The following ABCC6 variants were observed in gnomAD, a reference collection of about 807,000 sequenced individuals.
ABCC6 encodes the protein ATP binding cassette subfamily C member 6, also known as ATP-binding cassette sub-family C member 6.
In ABCC6, 126 loss-of-function variants were observed where a neutral mutation model predicts 169.5. The ratio of observed to expected loss-of-function variants is 0.74; its 90% CI spans 0.64 to 0.86. ABCC6 has a LOEUF of 0.86. Among genes scored for constraint, ABCC6 ranks in the 40% least tolerant of loss-of-function variants. The probability of loss-of-function intolerance (pLI) is 0.00; values close to 1 mark genes in which losing one functional copy is unlikely to be tolerated. For missense variants in ABCC6, 1,733 were observed against 1,927.2 expected (o/e 0.90, Z 1.89); for synonymous variants, 752 against 814.7 (o/e 0.92, Z 1.31).
At chr16:16,167,715 C>A (rs982928524) in intron 22 of ABCC6, among the ~76,000 whole-genome samples, 3 of 152,142 alleles carry the variant, frequency 2.0e-5, no homozygotes, top group Non-Finnish European at 4.4e-5. Context: ...GTGATCCACC[C>A]GCCTCGGCCT....
Position 16,175,354 on chromosome 16 carries a change from A to T in ABCC6, c.2666+557T>A, listed in dbSNP as rs576469005. Among the ~76,000 whole-genome samples, 11 of 152,198 alleles carry T rather than the reference A, an allele frequency of 7.2e-5. No individual in the cohort carries two copies. In the East Asian group the frequency reaches 2.1e-3, roughly 29 times the overall value. On this transcript the variant is annotated intron_variant, in intron 20 of 30. Coordinates refer to ENST00000205557, the MANE Select transcript of ABCC6 (RefSeq NM_001171.6). ...TGTTCTGCTTCCCAAGACCCCTCTC[A>T]TTAAGAGGGGAGAGTATCAGGCAGC...
intron 23 of ABCC6, among the ~76,000 whole-genome samples, chr16:16,163,802 G>C (rs1174919502): frequency 6.6e-6 from 1 of 152,234 alleles, no homozygotes; most frequent in African/African-American, 2.4e-5. Context: ...TTTTCACACA[G>C]TGTCTCATTC....
At chr16:16,166,210 G>A (rs961942944) in intron 22 of ABCC6, among the ~76,000 whole-genome samples, 8 of 152,048 alleles carry the variant, frequency 5.3e-5, no homozygotes, top group African/African-American at 1.9e-4. Context: ...CCACCATGCC[G>A]GCTAATTTGG....
intron 29 of ABCC6, among the ~76,000 whole-genome samples, chr16:16,152,369 A>C (rs576054086): frequency 2.0e-5 from 3 of 151,954 alleles, no homozygotes; most frequent in African/African-American, 7.2e-5. Context: ...TTGCACAGTA[A>C]GCCCTTCCAT....
At chr16:16,207,070 G>A (rs1167017467) in intron 7 of ABCC6, among the ~76,000 whole-genome samples, 1 of 152,230 alleles carries the variant, frequency 6.6e-6, no homozygotes, top group East Asian at 1.9e-4. Flanking sequence ...AACCCAGGAG[G>A]TGGAGGTTGC....
In ABCC6 at chr16:16,208,732, G is replaced by T; in HGVS notation, c.790C>A (p.Arg264=). 6.2e-7 allele frequency: 1 copy of T among 1,613,226 alleles called. No homozygotes were observed. The highest frequency in any genetic ancestry group is 2.2e-5 in the East Asian group (1 of 44,860). ...TCTTGACCTCCACCCACTTACCTCC[G>T]GGCTGCACTGCGGTTCCTCATCCAC... ...KEWMRNRSAA[R]RHNKAIAFKR... Residue 264 remains arginine, a synonymous_variant, in exon 7 of 31, where the codon CGG becomes AGG. Transcript: ENST00000205557.
intron 9 of ABCC6, among the ~76,000 whole-genome samples, chr16:16,198,439 G>C (rs902133892): frequency 6.6e-6 from 1 of 152,166 alleles, no homozygotes; most frequent in African/African-American, 2.4e-5. Context: ...AGATAACGGT[G>C]GTCATCTGCC....
At chr16:16,217,729 C>T (rs2141213441) in intron 4 of ABCC6, among the ~76,000 whole-genome samples, 1 of 152,222 alleles carries the variant, frequency 6.6e-6, no homozygotes, top group African/African-American at 2.4e-5. Flanking sequence ...TGTGGGAGCC[C>T]ACCATTTCAG....
In ABCC6 at chr16:16,203,494, T is replaced by C; in HGVS notation, c.914A>G (p.Gln305Arg). The change falls in exon 8 of 31, where the codon CAG (glutamine) becomes CGG (arginine). Residue 305 changes from glutamine to arginine, a missense_variant. Physicochemically the swap from Gln to Arg is conservative, Grantham distance 43 (BLOSUM62 1). Coordinates refer to ENST00000205557, the MANE Select transcript of ABCC6 (RefSeq NM_001171.6). ...QWRPLLKAIW[Q>R]VFHSTFLLGT... ...CAGGAGGAAGGTAGAATGGAACACC[T>C]GCCAGATGGCCTTCAGCAGTGGGCG... 1.2e-6 allele frequency: 2 copies of C among 1,614,010 alleles called. No individual in the cohort carries two copies. Among genetic ancestry groups the C allele is most frequent in the Non-Finnish European group, 1.7e-6 (2 of 1,179,874 alleles).
intron 5 of ABCC6, among the ~76,000 whole-genome samples, chr16:16,213,463 A>G (rs952116297): frequency 2.6e-5 from 4 of 151,634 alleles, no homozygotes; most frequent in Non-Finnish European, 5.9e-5. Flanking sequence ...TCTTGATTTC[A>G]CAGACTGCTT....
chr16:16,194,271 C>T (rs184901630), intron 10 of ABCC6, among the ~76,000 whole-genome samples: 16 of 152,346 alleles, frequency 1.1e-4, no homozygotes, highest in African/African-American at 3.4e-4. Context: ...TTTCATCCCT[C>T]GCAAGGGTTG....
chr16:16,204,488 T>C (rs2048333498), intron 7 of ABCC6, among the ~76,000 whole-genome samples: 1 of 152,192 alleles, frequency 6.6e-6, no homozygotes, highest in Non-Finnish European at 1.5e-5. Context: ...GCATGGGGCC[T>C]GGTGCTCTAG....
rs556237370 is a variant in ABCC6, at chr16:16,156,631, T to A, written c.3882+1032A>T. On this transcript the variant is annotated intron_variant, in intron 27 of 30. Transcript: ENST00000205557. ...GAAGGTTTTGAGCAGGGGAATGACA[T>A]GCAGTGTCATTCATGCTGATAAAGG... Among the ~76,000 whole-genome samples the A allele has an allele frequency of 3.3e-5, 5 of 152,168 alleles. No homozygotes were observed. The East Asian group carries it at 7.8e-4, about 24-fold the overall frequency.
intron 11 of ABCC6, among the ~76,000 whole-genome samples, 197 bp from the exon 12 acceptor site, chr16:16,190,564 CT>C (rs1218046512): frequency 1.3e-5 from 2 of 151,974 alleles, no homozygotes; most frequent in African/African-American, 4.8e-5. Context: ...AGGAGTGCCC[CT>C]GGGATAATGT....
At chr16:16,183,116 TACACATGCACACAAAGCGTGC>T (rs2047535576) in intron 15 of ABCC6, among the ~76,000 whole-genome samples, 186 bp from the exon 16 acceptor site, 2 of 152,196 alleles carry the variant, frequency 1.3e-5, no homozygotes, top group South Asian at 4.1e-4. Flanking sequence ...TCTGTGCATG[TACACATGCACACAAAGCGTGC>T]ACACATGCAT....
intron 4 of ABCC6, among the ~76,000 whole-genome samples, chr16:16,217,188 G>T (rs187256997): frequency 0.034 from 5,219 of 151,402 alleles, 106 homozygotes; most frequent in African/African-American, 0.045. Context: ...TTGGGTTTTT[G>T]TTTGTTTGTT....
In ABCC6 at chr16:16,202,154, A is replaced by T. The variant is rs757635771; in HGVS notation, c.1023T>A (p.Asp341Glu). 3.1e-6 allele frequency: 5 copies of T among 1,613,546 alleles called. No individual in the cohort carries two copies. The highest frequency in any genetic ancestry group is 4.2e-6 in the Non-Finnish European group (5 of 1,179,718). The change falls in exon 9 of 31, where the codon GAT (aspartate) becomes GAA (glutamate). Residue 341 changes from aspartate to glutamate, a missense_variant. By Grantham distance (45) the Asp-to-Glu change is conservative. This residue lies in a region of ABCC6 where 1,601 missense variants were observed against 1,635.5 expected (regional missense o/e 0.98). Transcript: ENST00000205557. ...AGCCCTTCCAGGCTGGAGGCTTGGGATCACCAATAAACTCCAGGAAAAGGC... is the reference window on the plus strand; with the variant it reads ...AGCCCTTCCAGGCTGGAGGCTTGGGTTCACCAATAAACTCCAGGAAAAGGC... ...LLSLFLEFIG[D>E]PKPPAWKGYL...
intron 21 of ABCC6, among the ~76,000 whole-genome samples, chr16:16,171,963 G>GGTGGGGGGGATGGATAAATGA (rs2047097187): frequency 1.6e-5 from 2 of 127,868 alleles, no homozygotes; most frequent in African/African-American, 3.0e-5. Context: ...TGAGTGGTTG[G>GGTGGGGGGGATGGATAAATGA]GTGGGTGGGA....
At chr16:16,214,532 G>T (rs1350482323) in intron 4 of ABCC6, 83 bp from the exon 5 acceptor site, 2 of 1,548,968 alleles carry the variant, frequency 1.3e-6, no homozygotes, top group Non-Finnish European at 1.7e-6. Context: ...TCTTGGGTCA[G>T]TGCCCACTCT....
Sources: gnomAD v4.1 joint callset for allele counts (sites outside exome capture counted in the v4.1 genomes callset) on GRCh38, gnomAD v4.1.1 for gene constraint, gnomAD v4.1.1 regional missense constraint, MANE v1.5 for transcripts, NCBI Gene and HGNC (gene_info 2026-07-23, HGNC 2026-07-21) for gene names.